The following APOB variants were observed in gnomAD, a reference collection of about 807,000 sequenced individuals.
APOB encodes the protein apolipoprotein B.
In APOB, 153 loss-of-function variants were observed where a neutral mutation model predicts 314.1. The observed-to-expected ratio is 0.49, with a 90% CI of 0.43 to 0.56. The LOEUF (loss-of-function observed/expected upper bound fraction) is 0.56, where lower values mean the gene tolerates loss of function less well. APOB is among the 20% of genes least tolerant of loss of function. The pLI is 0.00. For synonymous variants in APOB, 2,087 were observed against 2,036.4 expected (o/e 1.02, Z -0.67); for missense variants, 5,430 against 5,350.7 (o/e 1.01, Z -0.46).
At position 21,008,300 on chromosome 2, in the gene APOB, T is replaced by G; in HGVS notation, c.8568A>C (p.Thr2856=). ...FGNAIEGKSN[T]VASLHTEKNT... Reference sequence around the variant, plus strand: ...TTTTTTCTGTGTGTAAACTTGCCACTGTGTTTGATTTTCCCTCAATAGCAT... The same window carrying G: ...TTTTTTCTGTGTGTAAACTTGCCACGGTGTTTGATTTTCCCTCAATAGCAT... The change falls in exon 26 of 29, where the codon ACA becomes ACC. Residue 2856 remains threonine, a synonymous_variant. Transcript: ENST00000233242. 1.2e-6 allele frequency: 2 copies of G among 1,613,408 alleles called. No homozygotes were observed. The highest frequency in any genetic ancestry group is 1.7e-6 in the Non-Finnish European group (2 of 1,179,450).
rs376754670 is a variant in APOB, at chr2:21,028,804, G to C, written c.1618-266C>G. Among the ~76,000 whole-genome samples, 11 of 152,194 alleles carry C rather than the reference G, an allele frequency of 7.2e-5. No homozygotes were observed. In the South Asian group the frequency reaches 2.3e-3, roughly 32 times the overall value. On this transcript the variant is annotated intron_variant, in intron 12 of 28. Coordinates refer to ENST00000233242, the MANE Select transcript of APOB (RefSeq NM_000384.3). ...TTATGGCCAAGTTGTGATTTGTTTG[G>C]AGATCCACCACTAAGTGAAAATCAA...
chr2:21,037,920 T>A (rs1572802044), intron 5 of APOB, 38 bp downstream of exon 5: 1 of 1,613,440 alleles, frequency 6.2e-7, no homozygotes. Flanking sequence ...TGAAGATGAG[T>A]TTCAAGGGCC....
Position 21,014,578 on chromosome 2 carries a change from G to T in APOB, c.3712C>A (p.Leu1238Ile), listed in dbSNP as rs72653078. The change falls in exon 24 of 29, where the codon CTT becomes ATT. Residue 1238 changes from leucine to isoleucine, a missense_variant. Coordinates refer to ENST00000233242, the MANE Select transcript of APOB (RefSeq NM_000384.3). ...SKLIVAMSSW[L>I]QKASGSLPYT... The stretch of plus-strand genomic sequence containing the variant: ...GGAAGACTCCCAGATGCCTTCTGAA[G>T]CCATGAGCTCATTGCCTACAAAATG... The T allele has an allele frequency of 1.7e-4, 270 of 1,614,090 alleles. No homozygotes were observed. In the African/African-American group the frequency reaches 3.2e-3, roughly 19 times the overall value.
chr2:21,011,890 A>C lies in APOB; in HGVS notation c.4978T>G (p.Leu1660Val). 1 of 1,613,988 alleles carries C rather than the reference A, an allele frequency of 6.2e-7. No homozygotes were observed. Among genetic ancestry groups the C allele is most frequent in the Non-Finnish European group, 8.5e-7 (1 of 1,180,010 alleles). Residue 1660 changes from leucine (L) to valine (V), a missense_variant, in exon 26 of 29, where the codon TTG becomes GTG. Around this residue, in one of 3 missense-constraint regions of APOB, gnomAD observed 2,085 missense variants for 2,079.7 expected, o/e 1.00. Coordinates refer to ENST00000233242, the MANE Select transcript of APOB (RefSeq NM_000384.3). ...DGISTSATTNLKCSLLVLENE... is the reference protein window; with the variant it reads ...DGISTSATTNVKCSLLVLENE... ...TCCAGCACCAGGAGACTACACTTCAAGTTGGTCGTTGCACTGGTAGATATT... is the reference window on the plus strand; with the variant it reads ...TCCAGCACCAGGAGACTACACTTCACGTTGGTCGTTGCACTGGTAGATATT...
chr2:21,009,991 C>G lies in APOB; in HGVS notation c.6877G>C (p.Asp2293His), dbSNP rs1424076803. 6.2e-7 allele frequency: 1 copy of G among 1,613,636 alleles called. No homozygotes were observed. The highest frequency in any genetic ancestry group is 1.3e-5 in the African/African-American group (1 of 74,922). The change falls in exon 26 of 29, where the codon GAT becomes CAT. Residue 2293 changes from aspartate to histidine, a missense_variant. By Grantham distance (81) the Asp-to-His change is moderately conservative. Coordinates refer to ENST00000233242, the MANE Select transcript of APOB (RefSeq NM_000384.3). ...AATTGATCTAAAAGCACTCTAACAT[C>G]AATAGCCTCAATGTGTTGTTTTAAC... is the stretch of plus-strand genomic sequence containing the variant. ...GKLKQHIEAIDVRVLLDQLGT... is the reference protein window; with the variant it reads ...GKLKQHIEAIHVRVLLDQLGT...
chr2:21,003,140 C>G lies in APOB; in HGVS notation c.12282G>C (p.Gly4094=). The change falls in exon 29 of 29, where the codon GGG becomes GGC. Residue 4094 remains glycine (G), a synonymous_variant. Transcript: ENST00000233242. ...YVNKYHWEHT[G]LTLREVSSKL... ...TTGAAGACACTTCTCTCAGGGTGAG[C>G]CCTGTGTGTTCCCAGTGGTACTTGT... The G allele has an allele frequency of 6.2e-7, 1 of 1,612,964 alleles. No individual in the cohort carries two copies. Among genetic ancestry groups the G allele is most frequent in the Non-Finnish European group, 8.5e-7 (1 of 1,179,210 alleles).
At chr2:21,029,513 AAGG>A in intron 12 of APOB, 123 bp downstream of exon 12, 22 of 1,070,242 alleles carry the variant, frequency 2.1e-5, no homozygotes, top group Non-Finnish European at 3.1e-5. Context: ...GGAAGGAAGG[AAGG>A]AAGGAAAGGA....
At chr2:21,031,773 C>G (rs2103378671) in intron 10 of APOB, among the ~76,000 whole-genome samples, 1 of 151,990 alleles carries the variant, frequency 6.6e-6, no homozygotes, top group South Asian at 2.1e-4. Context: ...TCACTTCAGC[C>G]CAGGAATTTG....
chr2:21,009,694 T>C lies in APOB; in HGVS notation c.7174A>G (p.Lys2392Glu). 1 of 1,613,352 alleles carries C rather than the reference T, an allele frequency of 6.2e-7. No individual in the cohort carries two copies. The highest frequency in any genetic ancestry group is 1.3e-5 in the African/African-American group (1 of 75,038). ...GCATCATCAATAAATCCAACCAATTTCTCAAAGTAATCTTTTATCTTAACT... is the reference window on the plus strand; with the variant it reads ...GCATCATCAATAAATCCAACCAATTCCTCAAAGTAATCTTTTATCTTAACT... Reference protein sequence around the residue: ...QQVKIKDYFEKLVGFIDDAVK... With the variant: ...QQVKIKDYFEELVGFIDDAVK... The change falls in exon 26 of 29, where the codon AAA becomes GAA. Residue 2392 changes from lysine to glutamate, a missense_variant. This residue lies in a region of APOB where 3,281 missense variants were observed against 3,171.0 expected (regional missense o/e 1.03). Transcript: ENST00000233242.
chr2:21,009,659 C>A lies in APOB; in HGVS notation c.7209G>T (p.Lys2403Asn), dbSNP rs777497625. 8 of 1,613,248 alleles carry A rather than the reference C, an allele frequency of 5.0e-6. No individual in the cohort carries two copies. The highest frequency in any genetic ancestry group is 6.8e-6 in the Non-Finnish European group (8 of 1,179,572). ...LVGFIDDAVKKLNELSFKTFI... is the reference protein window; with the variant it reads ...LVGFIDDAVKNLNELSFKTFI... ...ATGTTTTAAAAGATAATTCATTAAG[C>A]TTCTTGACAGCATCATCAATAAATC... Residue 2403 changes from lysine to asparagine, a missense_variant, in exon 26 of 29, where the codon AAG (lysine) becomes AAT (asparagine). Physicochemically the swap from Lys to Asn is moderately conservative, Grantham distance 94. Transcript: ENST00000233242.
At chr2:21,015,654 G>T in intron 21 of APOB, 109 bp from the exon 22 acceptor site, 1 of 1,210,540 alleles carries the variant, frequency 8.3e-7, no homozygotes. Flanking sequence ...TACAAGGATG[G>T]TTCAGAGAAA....
In APOB at chr2:21,013,198, G is replaced by A. The variant is rs143282164; in HGVS notation, c.4178C>T (p.Ala1393Val). 1.5e-4 allele frequency: 245 copies of A among 1,614,148 alleles called. No individual in the cohort carries two copies. The African/African-American group carries it at 2.1e-3, about 14-fold the overall frequency. Residue 1393 changes from alanine to valine, a missense_variant, in exon 25 of 29, where the codon GCT becomes GTT. Coordinates refer to ENST00000233242, the MANE Select transcript of APOB (RefSeq NM_000384.3). ...FSLRARYHMK[A>V]DSVVDLLSYN... ...GGAAAGCAGGTCAACCACAGAGTCA[G>A]CCTTCATGTGGTAACGAGCCCGAAG...
At chr2:21,021,096 G>T (rs114471564) in intron 18 of APOB, among the ~76,000 whole-genome samples, 53 of 152,332 alleles carry the variant, frequency 3.5e-4, no homozygotes, top group African/African-American at 1.2e-3. Flanking sequence ...CTATTTGACA[G>T]CTAGATTTCT....
In APOB at chr2:21,023,684, C is replaced by T. The variant is rs1377132994; in HGVS notation, c.2445G>A (p.Glu815=). Residue 815 remains glutamate (E), a synonymous_variant, in exon 17 of 29, where the codon GAG becomes GAA. Transcript: ENST00000233242. ...TLQGIPQMIG[E]VIRKGSKNDF... ...CATTCTTTGAGCCCTTCCTGATGAC[C>T]TCTCCAATCTGTAGACCCAACAAGG... 5.6e-6 allele frequency: 9 copies of T among 1,609,382 alleles called. No individual in the cohort carries two copies. The highest frequency in any genetic ancestry group is 1.7e-5 in the Admixed American group (1 of 59,828).
intron 20 of APOB, 104 bp downstream of exon 20, chr2:21,018,888 A>T (rs1172271990): frequency 1.9e-6 from 3 of 1,558,144 alleles, no homozygotes; most frequent in African/African-American, 1.4e-5. Flanking sequence ...GTGGGTACTC[A>T]GTTAACCTAT....
rs938275256 is a variant in APOB, at chr2:21,001,586, A to G, written c.*144T>C. 4.0e-6 allele frequency: 3 copies of G among 754,054 alleles called. No homozygotes were observed. Among genetic ancestry groups the G allele is most frequent in the East Asian group, 2.7e-5 (1 of 37,254 alleles). 46.7% of individuals were successfully genotyped at this position (754,054 alleles called of 1,614,324 possible). On this transcript the variant is annotated 3_prime_UTR_variant, in exon 29 of 29. Transcript: ENST00000233242. ...GCCAGCTTTGGTGCAGGTCCAGTTC[A>G]TATGTGCTTCTGCTTATAGTCTACT... is the stretch of plus-strand genomic sequence containing the variant.
chr2:21,014,674 T>C, intron 23 of APOB, 81 bp from the exon 24 acceptor site: 6 of 1,421,506 alleles, frequency 4.2e-6, no homozygotes, highest in Non-Finnish European at 5.9e-6. Flanking sequence ...AAAATACCGA[T>C]TTGACAAGTT....
chr2:21,006,849 T>C lies in APOB; in HGVS notation c.10019A>G (p.Asp3340Gly). The C allele has an allele frequency of 6.2e-7, 1 of 1,614,056 alleles. No homozygotes were observed. Among genetic ancestry groups the C allele is most frequent in the Non-Finnish European group, 8.5e-7 (1 of 1,179,948 alleles). Reference protein sequence around the residue: ...FIPAMGNITYDFSFKSSVITL... With the variant: ...FIPAMGNITYGFSFKSSVITL... Reference sequence around the variant, plus strand: ...GATGACACTTGATTTAAAGGAGAAATCATAGGTAATATTGCCCATGGCAGG... The same window carrying C: ...GATGACACTTGATTTAAAGGAGAAACCATAGGTAATATTGCCCATGGCAGG... Residue 3340 changes from aspartate to glycine, a missense_variant, in exon 26 of 29, where the codon GAT (aspartate) becomes GGT (glycine). Physicochemically the swap from Asp to Gly is moderately conservative, Grantham distance 94. Coordinates refer to ENST00000233242, the MANE Select transcript of APOB (RefSeq NM_000384.3).
chr2:21,029,567 C>G, intron 12 of APOB, 72 bp downstream of exon 12: 1 of 1,530,916 alleles, frequency 6.5e-7, no homozygotes, highest in Admixed American at 1.7e-5. Context: ...AATCTAGAGT[C>G]TCATTCCCCT....
Sources: allele counts gnomAD v4.1 joint callset (sites outside exome capture counted in the v4.1 genomes callset), GRCh38; gene constraint gnomAD v4.1.1; regional missense constraint gnomAD v4.1.1; transcripts MANE v1.5; gene names NCBI Gene and HGNC (gene_info 2026-07-23, HGNC 2026-07-21).